ARHGEF9: variants seen among roughly 807,000 people sequenced by gnomAD.
ARHGEF9 encodes the protein rho guanine nucleotide exchange factor 9.
In ARHGEF9, 2 loss-of-function variants were observed where a neutral mutation model predicts 41.3. The observed-to-expected ratio is 0.05, with a 90% confidence interval of 0.02 to 0.15. The LOEUF is 0.15. ARHGEF9 is among the 10% of genes least tolerant of loss of function. ARHGEF9 has a pLI of 1.00. For missense variants in ARHGEF9, 225 were observed against 424.7 expected (o/e 0.53, Z 4.13); for synonymous variants, 160 against 154.4 (o/e 1.04, Z -0.27).
intron 7 of ARHGEF9, 69 bp from the exon 8 acceptor site, chrX:63,655,806 C>T: frequency 3.5e-6 from 4 of 1,157,247 alleles, no homozygotes; most frequent in Middle Eastern, 2.4e-4. Context: ...GGCACAGGGG[C>T]ACAGCAGAAT....
intron 3 of ARHGEF9, among the ~76,000 whole-genome samples, chrX:63,698,048 C>A (rs1327446858): frequency 4.6e-5 from 5 of 107,797 alleles, no homozygotes; most frequent in Non-Finnish European, 7.7e-5. Flanking sequence ...AGCCAACAAG[C>A]CTATGTGTGC....
chrX:63,670,398 T>C (rs2049874443), intron 6 of ARHGEF9: 1 of 110,492 alleles, frequency 9.1e-6, no homozygotes, highest in African/African-American at 3.3e-5. Context: ...AGTCATCAAA[T>C]AGCAAAGTGG....
rs782157945 is a variant in ARHGEF9, at chrX:63,712,579, TAC to T, written c.211-6132_211-6131del. ...CAAAACATTACATCCCCCAAATATA[TAC>T]AGTTTTATCTATTAAAAATGATTTT... On this transcript the variant is annotated intron_variant, in intron 2 of 9. Coordinates refer to ENST00000671741, the MANE Select transcript of ARHGEF9 (RefSeq NM_001353921.2). 3.6e-5 allele frequency among the ~76,000 whole-genome samples: 4 copies of T among 111,749 alleles called. No individual in the cohort carries two copies. The South Asian group carries it at 1.5e-3, about 42-fold the overall frequency.
chrX:63,654,534 TGAG>T (rs2048761743), intron 8 of ARHGEF9, among the ~76,000 whole-genome samples: 1 of 112,067 alleles, frequency 8.9e-6, no homozygotes, highest in African/African-American at 3.2e-5. Flanking sequence ...ACCCAAGTTC[TGAG>T]GAGAAGACTG....
intron 4 of ARHGEF9, among the ~76,000 whole-genome samples, chrX:63,695,325 G>A (rs1315260102): frequency 9.0e-6 from 1 of 111,509 alleles, no homozygotes; most frequent in African/African-American, 3.3e-5. Context: ...TCTAGTCTTC[G>A]GTTTGTTGCT....
intron 8 of ARHGEF9, among the ~76,000 whole-genome samples, chrX:63,649,471 C>T (rs2048383059): frequency 9.0e-6 from 1 of 111,002 alleles, no homozygotes; most frequent in African/African-American, 3.3e-5. Flanking sequence ...GCACTAAATG[C>T]CCACAAGAGA....
chrX:63,743,311 T>G (rs1556429025), intron 1 of ARHGEF9: 1 of 112,726 alleles, frequency 8.9e-6, no homozygotes, highest in Non-Finnish European at 1.9e-5. Flanking sequence ...TGATAATACC[T>G]AACGCTATAT....
chrX:63,696,051 A>T (rs1186293190), intron 4 of ARHGEF9, among the ~76,000 whole-genome samples: 1 of 111,230 alleles, frequency 9.0e-6, no homozygotes, highest in East Asian at 2.8e-4. Context: ...ACTTCGAATC[A>T]TTTTGCTATA....
intron 2 of ARHGEF9, among the ~76,000 whole-genome samples, chrX:63,708,864 A>AAAAGGTGGC (rs1419031866): frequency 8.9e-6 from 1 of 112,329 alleles, no homozygotes; most frequent in African/African-American, 3.2e-5. Context: ...TTAGCCTAGA[A>AAAAGGTGGC]AAAGGTGGCA....
Position 63,668,572 on chromosome X carries a change from T to C in ARHGEF9, c.946-2555A>G, listed in dbSNP as rs1270466122. 2.7e-5 allele frequency among the ~76,000 whole-genome samples: 3 copies of C among 112,322 alleles called. 1 individual carries two copies. Among genetic ancestry groups the C allele is most frequent in the Non-Finnish European group, 5.6e-5 (3 of 53,311 alleles). Reference sequence around the variant, plus strand: ...GTCTCTCTATAACTCAGTTGCCTCATCATTAACATGGGGATAATAACAGTA... The same window carrying C: ...GTCTCTCTATAACTCAGTTGCCTCACCATTAACATGGGGATAATAACAGTA... On this transcript the variant is annotated intron_variant, in intron 6 of 9. Coordinates refer to ENST00000671741, the MANE Select transcript of ARHGEF9 (RefSeq NM_001353921.2).
intron 2 of ARHGEF9, among the ~76,000 whole-genome samples, chrX:63,710,388 T>C (rs1189173646): frequency 9.2e-6 from 1 of 108,968 alleles, no homozygotes; most frequent in Non-Finnish European, 1.9e-5. Flanking sequence ...CATCAATCTT[T>C]CACAAACCCT....
At chrX:63,745,503 C>T (rs1311216091) in intron 1 of ARHGEF9, among the ~76,000 whole-genome samples, 7 of 111,509 alleles carry the variant, frequency 6.3e-5, no homozygotes, top group African/African-American at 2.3e-4. Flanking sequence ...ATTCAGGTCT[C>T]TGATCCAGCC....
chrX:63,734,729 T>C (rs1556421824), intron 1 of ARHGEF9, among the ~76,000 whole-genome samples: 1 of 111,508 alleles, frequency 9.0e-6, no homozygotes, highest in Admixed American at 9.5e-5. Context: ...TATTTGCTTC[T>C]GCTCTGTTCC....
rs1556300573 is a variant in ARHGEF9 at position 63,637,989 on chromosome X, ATTTAC to A, written c.*34_*38del. The A allele has an allele frequency of 1.8e-6, 2 of 1,133,490 alleles. No individual in the cohort carries two copies. The highest frequency in any genetic ancestry group is 2.1e-5 in the South Asian group (1 of 48,688). The allele number at this position is 1,133,490 out of a possible 1,213,427, so 93.4% of individuals were successfully genotyped here. On this transcript the variant is annotated 3_prime_UTR_variant, in exon 10 of 10. Coordinates refer to ENST00000671741, the MANE Select transcript of ARHGEF9 (RefSeq NM_001353921.2). ...AAGGTCCATCTATAAATATAATTTTATTTACTTTATTTTAAAATTATCTGCCTCCC... is the reference window on the plus strand; with the variant it reads ...AAGGTCCATCTATAAATATAATTTTATTTATTTTAAAATTATCTGCCTCCC...
intron 2 of ARHGEF9, among the ~76,000 whole-genome samples, chrX:63,718,344 T>C (rs1487693376): frequency 9.0e-6 from 1 of 111,700 alleles, no homozygotes; most frequent in Non-Finnish European, 1.9e-5. Flanking sequence ...ACAAGTATGA[T>C]GATTTTCCAA....
intron 4 of ARHGEF9, among the ~76,000 whole-genome samples, chrX:63,686,868 G>A (rs1171390966): frequency 1.8e-5 from 2 of 110,791 alleles, no homozygotes; most frequent in African/African-American, 6.6e-5. Flanking sequence ...TCCCCAAGCT[G>A]CCAGGCACTG....
At chrX:63,711,218 A>G (rs1170964959) in intron 2 of ARHGEF9, among the ~76,000 whole-genome samples, 10 of 111,998 alleles carry the variant, frequency 8.9e-5, no homozygotes, top group Admixed American at 8.5e-4. Context: ...AATGGTGCTA[A>G]TATAGCAATA....
intron 2 of ARHGEF9, among the ~76,000 whole-genome samples, chrX:63,708,747 T>A (rs2052722383): frequency 8.9e-6 from 1 of 112,140 alleles, no homozygotes; most frequent in Non-Finnish European, 1.9e-5. Context: ...ATTCATTAAA[T>A]CTATGCCAAG....
At chrX:63,708,557 C>A (rs1186118947) in intron 2 of ARHGEF9, among the ~76,000 whole-genome samples, 2 of 111,619 alleles carry the variant, frequency 1.8e-5, no homozygotes, top group Non-Finnish European at 3.8e-5. Context: ...AAAACAGATT[C>A]CTTATAAAGA....
Sources: gnomAD v4.1 joint callset for allele counts (sites outside exome capture counted in the v4.1 genomes callset) on GRCh38, gnomAD v4.1.1 for gene constraint, MANE v1.5 for transcripts, NCBI Gene and HGNC (gene_info 2026-07-23, HGNC 2026-07-21) for gene names.